Variants in DAB2 observed in about 807,000 individuals in gnomAD.
DAB2 encodes DAB adaptor protein 2, also known as disabled homolog 2.
In DAB2, 28 loss-of-function variants were observed where a neutral mutation model predicts 71.6. The observed-to-expected ratio is 0.39, with a 90% CI of 0.29 to 0.54. DAB2 has a LOEUF of 0.54. Ranked by LOEUF, DAB2 falls within the 20% of genes least tolerant of loss-of-function variation. DAB2 has a pLI of 0.68. For synonymous variants in DAB2, 345 were observed against 339.7 expected, an observed-to-expected ratio of 1.02 and a Z score of -0.17; for missense variants, 867 against 928.8, an observed-to-expected ratio of 0.93 and a Z score of 0.86.
At chr5:39,416,375 G>A (rs766516256) in intron 1 of DAB2, among the ~76,000 whole-genome samples, 5 of 152,012 alleles carry the variant, frequency 3.3e-5, no homozygotes, top group Non-Finnish European at 7.4e-5. Flanking sequence ...TCCCTTTATG[G>A]CTAAATTTTT....
Position 39,389,870 on chromosome 5 carries a change from CT to C in DAB2, c.524del (p.Lys175ArgfsTer8). ...LFQVIYNVKK[K>X]EEEKKKIEEA... ...TACTTGCCTTTTTCTTTTCTTCTTC[CT>C]TTTTCTTTACATTATAGATAACTTG... On this transcript the variant is annotated frameshift_variant, in exon 6 of 15. Coordinates refer to ENST00000320816, the MANE Select transcript of DAB2 (RefSeq NM_001343.4). LOFTEE classifies it high-confidence loss of function. The C allele has an allele frequency of 3.2e-6, 5 of 1,579,514 alleles. No homozygotes were observed. Among genetic ancestry groups the C allele is most frequent in the Non-Finnish European group, 4.3e-6 (5 of 1,156,212 alleles).
chr5:39,414,933 G>T (rs867866316), intron 1 of DAB2, among the ~76,000 whole-genome samples: 21 of 152,158 alleles, frequency 1.4e-4, no homozygotes, highest in African/African-American at 4.8e-4. Context: ...AATAGACATG[G>T]TCTCTACTCT....
In DAB2 at chr5:39,389,090, A is replaced by C. The variant is rs771339751; in HGVS notation, c.570+7T>G. The stretch of plus-strand genomic sequence containing the variant: ...ATGATTAACAAGAAGTAAAGATGCA[A>C]TTTTACCTCAACTGCTTTGCTGGCT... On this transcript the variant is annotated splice_region_variant and intron_variant, in intron 7 of 14. Coordinates refer to ENST00000320816, the MANE Select transcript of DAB2 (RefSeq NM_001343.4). The C allele has an allele frequency of 6.2e-7, 1 of 1,612,626 alleles. No homozygotes were observed. Among genetic ancestry groups the C allele is most frequent in the South Asian group, 1.1e-5 (1 of 90,906 alleles).
chr5:39,376,523 G>T, intron 12 of DAB2, 127 bp downstream of exon 12: 2 of 1,134,356 alleles, frequency 1.8e-6, no homozygotes, highest in Non-Finnish European at 2.5e-6. Context: ...CGTAACCCTT[G>T]ATTACCAACA....
In DAB2 at chr5:39,377,275, TAC is replaced by T; in HGVS notation, c.1510_1511del (p.Val504AsnfsTer37). 1 of 1,608,780 alleles carries T rather than the reference TAC, an allele frequency of 6.2e-7. No homozygotes were observed. The highest frequency in any genetic ancestry group is 8.5e-7 in the Non-Finnish European group (1 of 1,177,236). ...GTCCTGCCTGAGGGAGTGTGACAGT[TAC>T]ACCACCTGAAGTAAGAGGAAGAAAA... ...PVGPLVGLGGVTVTLPQAGPW... is the reference protein window; with the variant it reads ...PVGPLVGLGGXTVTLPQAGPW... On this transcript the variant is annotated frameshift_variant, in exon 12 of 15. Transcript: ENST00000320816. LOFTEE classifies it high-confidence loss of function.
chr5:39,388,502 A>G, intron 8 of DAB2, 135 bp from the exon 9 acceptor site: 3 of 700,838 alleles, frequency 4.3e-6, no homozygotes, highest in Non-Finnish European at 4.9e-6. Flanking sequence ...TAGATTTCAT[A>G]TTAAGCTGTT....
intron 11 of DAB2, among the ~76,000 whole-genome samples, chr5:39,377,598 C>T (rs1754863676): frequency 6.6e-6 from 1 of 152,194 alleles, no homozygotes; most frequent in African/African-American, 2.4e-5. Flanking sequence ...ATCATACAGA[C>T]ACTAGTTGTC....
At chr5:39,418,397 C>A (rs572741813) in intron 1 of DAB2, 1 of 152,120 alleles carries the variant, frequency 6.6e-6, no homozygotes, top group African/African-American at 2.4e-5. Flanking sequence ...TTACAGAAAA[C>A]TAGACCAGGT....
chr5:39,380,599 G>A (rs1442756299), intron 11 of DAB2, among the ~76,000 whole-genome samples: 3 of 152,168 alleles, frequency 2.0e-5, no homozygotes, highest in Non-Finnish European at 4.4e-5. Flanking sequence ...TCTGAAAACT[G>A]TACCATGGAG....
chr5:39,383,320 A>G (rs770004646), intron 9 of DAB2, 49 bp from the exon 10 acceptor site: 1 of 1,385,214 alleles, frequency 7.2e-7, no homozygotes, highest in Non-Finnish European at 9.8e-7. Flanking sequence ...CCATGTTGTG[A>G]CTTCAAATGA....
intron 10 of DAB2, 54 bp from the exon 11 acceptor site, chr5:39,381,670 A>G: frequency 6.3e-7 from 1 of 1,599,478 alleles, no homozygotes; most frequent in Non-Finnish European, 8.5e-7. Flanking sequence ...ACAGTGAAAT[A>G]CAGCCTCATT....
chr5:39,408,845 T>C (rs1298591555), intron 1 of DAB2: 1 of 152,184 alleles, frequency 6.6e-6, no homozygotes, highest in East Asian at 1.9e-4. Context: ...TCCTAGAATA[T>C]ACAACATCAG....
At chr5:39,382,033 C>A (rs1467110214) in intron 10 of DAB2, among the ~76,000 whole-genome samples, 2 of 152,180 alleles carry the variant, frequency 1.3e-5, no homozygotes, top group African/African-American at 4.8e-5. Context: ...TTAATCCAGG[C>A]AAGCCTGTAT....
Position 39,379,174 on chromosome 5 carries a change from C to G in DAB2, c.1505-1892G>C, listed in dbSNP as rs527440641. On this transcript the variant is annotated intron_variant, in intron 11 of 14. Transcript: ENST00000320816. ...TTTGTAAAAGAGAAAAATATTAGGG[C>G]TGGGCGCAGTGGCTTACACCTGTAA... Among the ~76,000 whole-genome samples, 74 of 152,162 alleles carry G rather than the reference C, an allele frequency of 4.9e-4. No individual in the cohort carries two copies. In the Middle Eastern group the frequency reaches 0.01, roughly 21 times the overall value.
At position 39,381,224 on chromosome 5, in the gene DAB2, C is replaced by T. The variant is rs553045567; in HGVS notation, c.1504+230G>A. Among the ~76,000 whole-genome samples, 7 of 152,240 alleles carry T rather than the reference C, an allele frequency of 4.6e-5. No homozygotes were observed. In the East Asian group the frequency reaches 1.4e-3, roughly 29 times the overall value. The stretch of plus-strand genomic sequence containing the variant: ...CCAGTTGGTTCAAGTAAGTACAATA[C>T]TGAAAATGAATTTCTTGTCTCATGC... On this transcript the variant is annotated intron_variant, in intron 11 of 14. Transcript: ENST00000320816.
In DAB2 at chr5:39,388,250, A is replaced by G. The variant is rs144532963; in HGVS notation, c.687+55T>C. The G allele has an allele frequency of 4.6e-6, 6 of 1,313,332 alleles. No homozygotes were observed. In the Admixed American group the frequency reaches 5.9e-5, roughly 13 times the overall value. 81.4% of individuals were successfully genotyped at this position (1,313,332 alleles called of 1,614,324 possible). A position where few individuals can be genotyped will look rare whatever the true frequency, so the allele number is the denominator to read the frequency against. On this transcript the variant is annotated intron_variant, in intron 9 of 14. Transcript: ENST00000320816. ...TGCTTAAGATTTCTGGTTATTGCCA[A>G]TTTGAGTTATAGATGTCATTTTATT...
chr5:39,407,281 G>A (rs1440569591), intron 1 of DAB2, among the ~76,000 whole-genome samples: 1 of 152,156 alleles, frequency 6.6e-6, no homozygotes, highest in South Asian at 2.1e-4. Flanking sequence ...GTGCAGAGGC[G>A]CGATCTCAGC....
intron 1 of DAB2, among the ~76,000 whole-genome samples, chr5:39,400,574 C>G (rs1315149554): frequency 6.6e-6 from 1 of 152,140 alleles, no homozygotes; most frequent in East Asian, 1.9e-4. Flanking sequence ...GACACAGCAA[C>G]AGAAAATCAA....
chr5:39,387,425 A>G (rs1271356080), intron 9 of DAB2, among the ~76,000 whole-genome samples: 1 of 152,170 alleles, frequency 6.6e-6, no homozygotes, highest in East Asian at 1.9e-4. Context: ...CTAGATAAAT[A>G]CCCTGTAGTA....
Sources: gnomAD v4.1 joint callset for allele counts (sites outside exome capture counted in the v4.1 genomes callset) on GRCh38, gnomAD v4.1.1 for gene constraint, MANE v1.5 for transcripts, NCBI Gene and HGNC (gene_info 2026-07-23, HGNC 2026-07-21) for gene names.